Variants in PEAK1 observed in about 807,000 individuals in gnomAD.
PEAK1 encodes inactive tyrosine-protein kinase PEAK1.
In PEAK1, 54 loss-of-function variants were observed where a neutral mutation model predicts 124.7. That is an observed-to-expected ratio of 0.43 (90% confidence interval 0.35 to 0.54). PEAK1 has a LOEUF of 0.54. Ranked by LOEUF, PEAK1 falls within the 20% of genes least tolerant of loss-of-function variation. PEAK1 has a pLI of 0.01. For missense variants in PEAK1, 2,046 were observed against 2,134.5 expected (o/e 0.96, Z 0.82); for synonymous variants, 719 against 760.0 (o/e 0.95, Z 0.89).
chr15:77,158,514 T>C lies in PEAK1; in HGVS notation c.3320A>G (p.Tyr1107Cys), dbSNP rs2055351541. 14 of 1,614,062 alleles carry C rather than the reference T, an allele frequency of 8.7e-6. No individual in the cohort carries two copies. Among genetic ancestry groups the C allele is most frequent in the Non-Finnish European group, 1.2e-5 (14 of 1,179,904 alleles). ...PMDPNPCSAT[Y>C]SNLGQSRAAM... ...ACATTTGCACTTACCTAAGTTGCTGTATGTTGCACTACAAGGGTTCGGGTC... is the reference window on the plus strand; with the variant it reads ...ACATTTGCACTTACCTAAGTTGCTGCATGTTGCACTACAAGGGTTCGGGTC... Residue 1107 changes from tyrosine (Y) to cysteine (C), a missense_variant, in exon 8 of 10, where the codon TAC (tyrosine) becomes TGC (cysteine). Transcript: ENST00000682557.
intron 8 of PEAK1, among the ~76,000 whole-genome samples, chr15:77,139,235 C>T (rs1399549472): frequency 6.6e-6 from 1 of 152,178 alleles, no homozygotes; most frequent in Non-Finnish European, 1.5e-5. Flanking sequence ...CAGTAACACA[C>T]ATGGAGCTGT....
At chr15:77,177,373 T>C (rs968317417) in intron 7 of PEAK1, among the ~76,000 whole-genome samples, 2 of 152,162 alleles carry the variant, frequency 1.3e-5, no homozygotes, top group Admixed American at 6.5e-5. Flanking sequence ...ACCATCCTAG[T>C]TGCTTTGTTA....
At chr15:77,323,899 G>A (rs963337660) in intron 2 of PEAK1, among the ~76,000 whole-genome samples, 6 of 152,174 alleles carry the variant, frequency 3.9e-5, no homozygotes, top group Admixed American at 3.9e-4. Context: ...CAAGGCTACA[G>A]TTACCAAAAC....
intron 1 of PEAK1, among the ~76,000 whole-genome samples, chr15:77,399,058 C>T (rs761194661): frequency 2.6e-5 from 4 of 151,582 alleles, no homozygotes; most frequent in African/African-American, 7.3e-5. Flanking sequence ...ACCAAAGAAG[C>T]GAAAGATCCT....
intron 9 of PEAK1, among the ~76,000 whole-genome samples, chr15:77,129,609 T>TG (rs1485707357): frequency 6.6e-6 from 1 of 151,116 alleles, no homozygotes; most frequent in African/African-American, 2.4e-5. Flanking sequence ...CTATTTTTTT[T>TG]TTTTTTTTGT....
At chr15:77,230,592 C>G (rs535089835) in intron 6 of PEAK1, among the ~76,000 whole-genome samples, 41 of 151,654 alleles carry the variant, frequency 2.7e-4, no homozygotes, top group African/African-American at 9.7e-4. Context: ...TGAGTGGGAT[C>G]TATTTATCAA....
intron 1 of PEAK1, chr15:77,418,142 A>G: frequency 1.0e-6 from 1 of 983,974 alleles, no homozygotes; most frequent in African/African-American, 1.7e-5. Flanking sequence ...GTTTCTGTAT[A>G]CTATCAACTG....
chr15:77,262,847 T>C (rs1204430639), intron 5 of PEAK1, among the ~76,000 whole-genome samples: 1 of 152,190 alleles, frequency 6.6e-6, no homozygotes, highest in Admixed American at 6.5e-5. Flanking sequence ...GACCACATAG[T>C]TGGAAGTAAA....
rs147403831 is a variant in PEAK1 at position 77,261,670 on chromosome 15, C to G, written c.-274-9144G>C. Among the ~76,000 whole-genome samples, 1,110 of 152,242 alleles carry G rather than the reference C, an allele frequency of 7.3e-3. 15 individuals carry two copies. Among genetic ancestry groups the G allele is most frequent in the African/African-American group, 0.025 (1,052 of 41,534 alleles). On this transcript the variant is annotated intron_variant, in intron 5 of 9. Coordinates refer to ENST00000682557, the MANE Select transcript of PEAK1 (RefSeq NM_001385026.1). Reference sequence around the variant, plus strand: ...AAAGTGACGGGGAGAATGGAACCAACTTGGAAAACACTCTGCAGGATATTA... The same window carrying G: ...AAAGTGACGGGGAGAATGGAACCAAGTTGGAAAACACTCTGCAGGATATTA...
At chr15:77,184,648 G>C (rs2057448237) in intron 6 of PEAK1, among the ~76,000 whole-genome samples, 1 of 152,236 alleles carries the variant, frequency 6.6e-6, no homozygotes. Context: ...TGTAATCCCA[G>C]CACTGTGGGA....
chr15:77,391,465 C>G (rs1445058782), intron 1 of PEAK1, among the ~76,000 whole-genome samples: 1 of 117,056 alleles, frequency 8.5e-6, no homozygotes, highest in Non-Finnish European at 1.7e-5. Flanking sequence ...TGGCACCAAC[C>G]TAACTCATGG....
At chr15:77,376,000 A>T (rs868818501) in intron 1 of PEAK1, among the ~76,000 whole-genome samples, 1 of 145,348 alleles carries the variant, frequency 6.9e-6, no homozygotes, top group African/African-American at 2.5e-5. Flanking sequence ...CTCCGTCTCA[A>T]AAATAAATAA....
Position 77,285,438 on chromosome 15 carries a change from A to G in PEAK1, c.-520-383T>C, listed in dbSNP as rs1036787299. The stretch of plus-strand genomic sequence containing the variant: ...AAAGTAAATTCCTTATATGAAATAC[A>G]TATGTCCTCCACCCTCTACTTCAAT... On this transcript the variant is annotated intron_variant, in intron 3 of 9. Transcript: ENST00000682557. Among the ~76,000 whole-genome samples the G allele has an allele frequency of 2.6e-4, 40 of 152,234 alleles. 1 individual carries two copies. Among genetic ancestry groups the G allele is most frequent in the African/African-American group, 7.2e-4 (30 of 41,456 alleles).
Position 77,366,465 on chromosome 15 carries a change from G to A in PEAK1, c.-665-1240C>T, listed in dbSNP as rs780014123. The stretch of plus-strand genomic sequence containing the variant: ...TATACTGACAGCTACAAGTGATAAC[G>A]TAATATAATAATATATAATATTATA... On this transcript the variant is annotated intron_variant, in intron 1 of 9. Coordinates refer to ENST00000682557, the MANE Select transcript of PEAK1 (RefSeq NM_001385026.1). 7.2e-5 allele frequency among the ~76,000 whole-genome samples: 11 copies of A among 152,020 alleles called. No individual in the cohort carries two copies. In the South Asian group the frequency reaches 1.2e-3, roughly 17 times the overall value.
chr15:77,286,527 G>A, intron 2 of PEAK1, 23 bp from the exon 3 acceptor site: 1 of 1,148,004 alleles, frequency 8.7e-7, no homozygotes, highest in Non-Finnish European at 1.1e-6. Context: ...GCAAAGTGGG[G>A]AAGATATATT....
intron 9 of PEAK1, among the ~76,000 whole-genome samples, chr15:77,119,241 G>A (rs759958819): frequency 1.3e-5 from 2 of 152,198 alleles, no homozygotes; most frequent in Non-Finnish European, 2.9e-5. Context: ...ATGCCCGCTT[G>A]AGCTATTCTC....
intron 2 of PEAK1, among the ~76,000 whole-genome samples, chr15:77,306,200 T>C (rs1209315898): frequency 2.6e-5 from 4 of 152,204 alleles, no homozygotes; most frequent in Non-Finnish European, 5.9e-5. Context: ...CCTGAATTTT[T>C]AAAAGTATAT....
At position 77,332,278 on chromosome 15, in the gene PEAK1, C is replaced by T. The variant is rs932501543; in HGVS notation, c.-603+32885G>A. The T allele has an allele frequency of 2.5e-5, 25 of 984,952 alleles. No homozygotes were observed. In the African/African-American group the frequency reaches 4.4e-4, roughly 17 times the overall value. 61.0% of individuals were successfully genotyped at this position (984,952 alleles called of 1,614,324 possible). A position where few individuals can be genotyped will look rare whatever the true frequency, so the allele number is the denominator to read the frequency against. On this transcript the variant is annotated intron_variant, in intron 2 of 9. Coordinates refer to ENST00000682557, the MANE Select transcript of PEAK1 (RefSeq NM_001385026.1). ...TTCCCCCTGAAACTAAACAGGAATA[C>T]CTGGTCACCATATATTTTTTGTTTG...
At chr15:77,363,145 C>T (rs900498333) in intron 2 of PEAK1, among the ~76,000 whole-genome samples, 8 of 152,172 alleles carry the variant, frequency 5.3e-5, no homozygotes, top group African/African-American at 1.9e-4. Context: ...CATGAACCAC[C>T]ATGCCAGACC....
Sources: allele counts gnomAD v4.1 joint callset (sites outside exome capture counted in the v4.1 genomes callset), GRCh38; gene constraint gnomAD v4.1.1; transcripts MANE v1.5; gene names NCBI Gene and HGNC (gene_info 2026-07-23, HGNC 2026-07-21).